Variants in NF1 observed in about 807,000 individuals in gnomAD.
NF1 encodes the protein neurofibromin.
NF1 carries 122 observed loss-of-function variants against 325.7 expected under a neutral mutation model. The observed-to-expected ratio is 0.37, with a 90% CI of 0.32 to 0.44. NF1 has a LOEUF of 0.44. Among genes scored for constraint, NF1 ranks in the 20% least tolerant of loss-of-function variants. The pLI, the probability that NF1 is intolerant of heterozygous loss-of-function variation, is 1.00. For synonymous variants in NF1, 1,091 were observed against 1,186.0 expected, an observed-to-expected ratio of 0.92 and a Z score of 1.65; for missense variants, 2,140 against 3,415.4, an observed-to-expected ratio of 0.63 and a Z score of 9.31.
chr17:31,110,565 A>G (rs886822333), intron 1 of NF1, among the ~76,000 whole-genome samples: 2 of 152,220 alleles, frequency 1.3e-5, no homozygotes, highest in Non-Finnish European at 2.9e-5. Flanking sequence ...TAATACTATC[A>G]TACTATTAAC....
At chr17:31,253,890 T>A (rs572031847) in intron 31 of NF1, 1 of 152,304 alleles carries the variant, frequency 6.6e-6, no homozygotes, top group South Asian at 2.1e-4. Flanking sequence ...ACTAAGTAGG[T>A]AGTTTTCTTA....
At chr17:31,256,593 G>A (rs1405676164) in intron 31 of NF1, among the ~76,000 whole-genome samples, 6 of 152,076 alleles carry the variant, frequency 3.9e-5, no homozygotes, top group Admixed American at 2.0e-4. Flanking sequence ...GAGGTTCCTC[G>A]TCCCCAGAAG....
intron 12 of NF1, among the ~76,000 whole-genome samples, chr17:31,212,182 A>G (rs2066739574): frequency 6.6e-6 from 1 of 152,146 alleles, no homozygotes; most frequent in African/African-American, 2.4e-5. Flanking sequence ...AAGATCTGGG[A>G]CACAAACATA....
chr17:31,344,233 A>G (rs1013405727), intron 48 of NF1, among the ~76,000 whole-genome samples: 3 of 152,038 alleles, frequency 2.0e-5, no homozygotes, highest in Non-Finnish European at 4.4e-5. Context: ...ACCCCTTTCT[A>G]TATTGCTTAT....
chr17:31,342,679 T>C (rs987365383), intron 47 of NF1, among the ~76,000 whole-genome samples: 10 of 152,024 alleles, frequency 6.6e-5, no homozygotes, highest in Admixed American at 3.3e-4. Flanking sequence ...GGAGCTAATA[T>C]TGATTCTAGT....
At chr17:31,144,537 T>C (rs1916455785) in intron 1 of NF1, among the ~76,000 whole-genome samples, 1 of 152,224 alleles carries the variant, frequency 6.6e-6, no homozygotes, top group Admixed American at 6.5e-5. Flanking sequence ...CTGTTCCATA[T>C]TGTGTTGCTG....
chr17:31,108,522 C>T (rs1275594511), intron 1 of NF1, among the ~76,000 whole-genome samples: 3 of 152,000 alleles, frequency 2.0e-5, no homozygotes, highest in African/African-American at 4.8e-5. Context: ...GTGATCCACC[C>T]GCCTCAGTCT....
intron 8 of NF1, among the ~76,000 whole-genome samples, chr17:31,194,320 G>A (rs979057077): frequency 6.6e-6 from 1 of 152,066 alleles, no homozygotes; most frequent in African/African-American, 2.4e-5. Flanking sequence ...TCATTCATAT[G>A]TGGAAGCTAA....
intron 48 of NF1, 114 bp downstream of exon 48, chr17:31,343,249 T>C (rs1312387704): frequency 1.9e-6 from 2 of 1,080,776 alleles, no homozygotes; most frequent in African/African-American, 3.1e-5. Flanking sequence ...ATGTCTTACT[T>C]TAAATGCAAA....
At chr17:31,128,711 A>C (rs900278677) in intron 1 of NF1, among the ~76,000 whole-genome samples, 2 of 152,042 alleles carry the variant, frequency 1.3e-5, no homozygotes, top group African/African-American at 4.8e-5. Flanking sequence ...TCATGAGGTC[A>C]GGAGATCGAG....
At chr17:31,329,648 C>T (rs1340278140) in intron 38 of NF1, among the ~76,000 whole-genome samples, 2 of 151,974 alleles carry the variant, frequency 1.3e-5, no homozygotes, top group Non-Finnish European at 2.9e-5. Flanking sequence ...TCAATGAAAC[C>T]TGGATATTAT....
intron 1 of NF1, among the ~76,000 whole-genome samples, chr17:31,135,124 T>G (rs921408604): frequency 6.6e-6 from 1 of 152,236 alleles, no homozygotes; most frequent in African/African-American, 2.4e-5. Context: ...TTCTAAATTC[T>G]GATTCTTTTT....
At chr17:31,201,245 C>T (rs2066523632) in intron 10 of NF1, 86 bp downstream of exon 10, 4 of 1,555,700 alleles carry the variant, frequency 2.6e-6, no homozygotes, top group Non-Finnish European at 2.7e-6. Context: ...AATAGGTTCA[C>T]TTTTATCGGT....
chr17:31,357,158 T>G (rs2151582812), intron 53 of NF1, 68 bp downstream of exon 53: 2 of 1,603,014 alleles, frequency 1.2e-6, no homozygotes. Context: ...TAGGAGGCCC[T>G]TAAATATTAA....
chr17:31,353,897 T>C (rs933742507), intron 51 of NF1, among the ~76,000 whole-genome samples: 1 of 152,116 alleles, frequency 6.6e-6, no homozygotes. Context: ...GTGAAAGAAA[T>C]AGAAACCATG....
Position 31,132,273 on chromosome 17 carries a change from G to T in NF1, c.61-23710G>T, listed in dbSNP as rs546277796. Among the ~76,000 whole-genome samples the T allele has an allele frequency of 1.7e-3, 260 of 151,886 alleles. 2 individuals are homozygous for T. Among genetic ancestry groups the T allele is most frequent in the African/African-American group, 6.2e-3 (255 of 41,224 alleles). ...GACTCATTTCTAGGCCAGACTTGGT[G>T]GGTCATGCCTGTAATCCCAGCACTT... On this transcript the variant is annotated intron_variant, in intron 1 of 57. Transcript: ENST00000358273.
chr17:31,187,046 G>A (rs1169564678), intron 8 of NF1, among the ~76,000 whole-genome samples: 1 of 152,166 alleles, frequency 6.6e-6, no homozygotes, highest in Middle Eastern at 3.2e-3. Flanking sequence ...TGCCTATCCT[G>A]TATGCAATGC....
At chr17:31,160,330 C>T (rs17883137) in intron 3 of NF1, among the ~76,000 whole-genome samples, 342 of 152,268 alleles carry the variant, frequency 2.2e-3, no homozygotes, top group Non-Finnish European at 3.9e-3. Flanking sequence ...TCAAGTGATC[C>T]GCCCATTTTA....
chr17:31,138,833 T>C (rs759771097), intron 1 of NF1, among the ~76,000 whole-genome samples: 22 of 151,888 alleles, frequency 1.4e-4, no homozygotes, highest in Non-Finnish European at 3.1e-4. Flanking sequence ...ATGCCCACCT[T>C]GGCCTCCCAA....
Sources: gnomAD v4.1 joint callset for allele counts (sites outside exome capture counted in the v4.1 genomes callset) on GRCh38, gnomAD v4.1.1 for gene constraint, MANE v1.5 for transcripts, NCBI Gene and HGNC (gene_info 2026-07-23, HGNC 2026-07-21) for gene names.